Variants in C3orf52 observed in about 807,000 individuals in gnomAD.
The protein encoded by C3orf52 is TPA-induced transmembrane protein.
In C3orf52, 22 loss-of-function variants were observed where a neutral mutation model predicts 24.8. The observed-to-expected ratio is 0.89, with a 90% CI of 0.63 to 1.27. C3orf52 has a LOEUF of 1.27. Ranked by LOEUF, C3orf52 falls within the 50% of genes most tolerant of loss-of-function variation. C3orf52 has a pLI of 0.00. For missense variants in C3orf52, 265 were observed against 260.7 expected (o/e 1.02, Z -0.11); for synonymous variants, 93 against 100.2 (o/e 0.93, Z 0.43).
At chr3:112,108,323 T>C (rs1277083093) in intron 3 of C3orf52, among the ~76,000 whole-genome samples, 1 of 151,748 alleles carries the variant, frequency 6.6e-6, no homozygotes, top group Non-Finnish European at 1.5e-5. Flanking sequence ...CTCCTCGGAG[T>C]GGTAAAAATT....
At chr3:112,119,323 T>A (rs1249233408), downstream of C3orf52, 10 of 616,348 alleles carry the variant, frequency 1.6e-5, no homozygotes, top group Non-Finnish European at 2.6e-5. Context: ...TGCAGTGAGC[T>A]GAGATCACGC....
At chr3:112,130,812 A>G (rs2074435258), downstream of C3orf52, 1 of 404,780 alleles carries the variant, frequency 2.5e-6, no homozygotes, top group South Asian at 2.4e-5. Context: ...CCTTGAGAGT[A>G]TCCGTGTCCA....
chr3:112,109,170 C>T (rs537395666), intron 3 of C3orf52, among the ~76,000 whole-genome samples: 1 of 152,264 alleles, frequency 6.6e-6, no homozygotes, highest in Admixed American at 6.5e-5. Flanking sequence ...AGCAATGTCC[C>T]AGGTGCTAAG....
At chr3:112,101,697 G>T (rs556451277) in intron 2 of C3orf52, among the ~76,000 whole-genome samples, 1 of 152,292 alleles carries the variant, frequency 6.6e-6, no homozygotes, top group Non-Finnish European at 1.5e-5. Flanking sequence ...TAAGTAACCG[G>T]AATACCAGGA....
chr3:112,127,184 A>G (rs1369255193), intron 4 of C3orf52: 14 of 543,224 alleles, frequency 2.6e-5, no homozygotes, highest in Middle Eastern at 9.1e-4. Flanking sequence ...GTAAAAAAGA[A>G]AAAAGTAAAA....
downstream of C3orf52, among the ~76,000 whole-genome samples, chr3:112,120,204 A>C (rs1467012381): frequency 2.0e-5 from 3 of 152,234 alleles, no homozygotes; most frequent in African/African-American, 7.2e-5. Context: ...CACTCAGATC[A>C]AGTGGGTTTC....
At chr3:112,108,101 T>C (rs2074044199) in intron 3 of C3orf52, among the ~76,000 whole-genome samples, 1 of 152,190 alleles carries the variant, frequency 6.6e-6, no homozygotes, top group African/African-American at 2.4e-5. Flanking sequence ...GAAAAGATAC[T>C]TGTAACATAA....
downstream of C3orf52, among the ~76,000 whole-genome samples, chr3:112,119,069 A>T (rs2074165091): frequency 6.6e-6 from 1 of 151,732 alleles, no homozygotes; most frequent in East Asian, 1.9e-4. Context: ...GAAACAGCAG[A>T]AAAAAATACC....
chr3:112,088,603 T>C (rs2073850091), intron 1 of C3orf52, among the ~76,000 whole-genome samples: 1 of 152,242 alleles, frequency 6.6e-6, no homozygotes. Flanking sequence ...CAGTGGTGCC[T>C]CTGAAGCTTG....
Position 112,117,003 on chromosome 3 carries a change from A to G in C3orf52, c.*357A>G, listed in dbSNP as rs2074140277. On this transcript the variant is annotated 3_prime_UTR_variant, in exon 6 of 6. Coordinates refer to ENST00000264848, the MANE Select transcript of C3orf52 (RefSeq NM_024616.3). ...GGGTCTCGTTCTGTCGCTTAGCTGG[A>G]GTGCGGTGGCGTGATCATGGCACTG... 1.1e-5 allele frequency: 15 copies of G among 1,377,482 alleles called. No individual in the cohort carries two copies. Among genetic ancestry groups the G allele is most frequent in the Non-Finnish European group, 1.5e-5 (15 of 1,014,636 alleles). The allele number at this position is 1,377,482 out of a possible 1,614,324, so 85.3% of individuals were successfully genotyped here.
chr3:112,132,551 A>G, downstream of C3orf52: 1 of 542,420 alleles, frequency 1.8e-6, no homozygotes, highest in Non-Finnish European at 2.4e-6. Flanking sequence ...ATATTGTATT[A>G]TTATTTCTAC....
rs60675283 is a variant in C3orf52 at position 112,103,318 on chromosome 3, C to T, written c.396+353C>T. 5.3e-3 allele frequency among the ~76,000 whole-genome samples: 802 copies of T among 152,168 alleles called. 10 individuals are homozygous for T. Among genetic ancestry groups the T allele is most frequent in the African/African-American group, 0.019 (768 of 41,498 alleles). On this transcript the variant is annotated intron_variant, in intron 3 of 5. Coordinates refer to ENST00000264848, the MANE Select transcript of C3orf52 (RefSeq NM_024616.3). ...ATCTGTACAACAAACCGCCATGACA[C>T]GAGTTTACCTATAGAAGAAACATGC...
intron 4 of C3orf52, chr3:112,123,900 C>T (rs1383765478): frequency 3.0e-5 from 29 of 952,274 alleles, no homozygotes; most frequent in Non-Finnish European, 1.4e-5. Flanking sequence ...CATCTCTTGG[C>T]CATTTTTTTC....
downstream of C3orf52, chr3:112,119,502 G>T (rs1482920368): frequency 2.1e-5 from 15 of 702,880 alleles, no homozygotes; most frequent in Admixed American, 4.0e-5. Flanking sequence ...TGAAGCACTG[G>T]TGGGATTTGA....
chr3:112,126,364 C>T (rs1192190257), intron 4 of C3orf52, among the ~76,000 whole-genome samples: 1 of 152,172 alleles, frequency 6.6e-6, no homozygotes, highest in Non-Finnish European at 1.5e-5. Flanking sequence ...CAGGCCTACA[C>T]TTTCTTATTT....
intron 5 of C3orf52, among the ~76,000 whole-genome samples, chr3:112,113,369 G>A (rs2074104689): frequency 6.6e-6 from 1 of 152,124 alleles, no homozygotes; most frequent in Non-Finnish European, 1.5e-5. Flanking sequence ...CAGTGTAGTT[G>A]GGGAGCAATT....
intron 1 of C3orf52, among the ~76,000 whole-genome samples, chr3:112,086,788 C>T (rs1265944816): frequency 6.6e-6 from 1 of 152,186 alleles, no homozygotes; most frequent in Non-Finnish European, 1.5e-5. Flanking sequence ...CTTTAGGAAT[C>T]CTAGTGGTGA....
chr3:112,092,062 G>A (rs1202298195), intron 1 of C3orf52, among the ~76,000 whole-genome samples: 2 of 152,020 alleles, frequency 1.3e-5, no homozygotes, highest in Non-Finnish European at 2.9e-5. Context: ...GTGGCCAGGT[G>A]TCGGTCAGGA....
chr3:112,091,227 C>T (rs889530946), intron 1 of C3orf52, among the ~76,000 whole-genome samples: 34 of 152,150 alleles, frequency 2.2e-4, no homozygotes, highest in Admixed American at 2.0e-3. Context: ...AGCCCACAAT[C>T]GTTAAATGTA....
Sources: allele counts gnomAD v4.1 joint callset (sites outside exome capture counted in the v4.1 genomes callset), GRCh38; gene constraint gnomAD v4.1.1; transcripts MANE v1.5; gene names NCBI Gene and HGNC (gene_info 2026-07-23, HGNC 2026-07-21).